The following RUBCN variants were observed in gnomAD, a reference collection of about 807,000 sequenced individuals.
RUBCN encodes the protein rubicon autophagy regulator.
Under a neutral mutation model 113.2 loss-of-function variants are expected in RUBCN, and 74 were observed. That is an observed-to-expected ratio of 0.65 (90% CI 0.54 to 0.79). The LOEUF (loss-of-function observed/expected upper bound fraction) is 0.79, where lower values mean the gene tolerates loss of function less well. RUBCN is among the 30% of genes least tolerant of loss of function. The pLI, the probability that RUBCN is intolerant of heterozygous loss-of-function variation, is 0.00. For synonymous variants in RUBCN, 480 were observed against 490.0 expected, an observed-to-expected ratio of 0.98 and a Z score of 0.27; for missense variants, 1,109 against 1,251.7, an observed-to-expected ratio of 0.89 and a Z score of 1.72.
Position 197,681,280 on chromosome 3 carries a change from C to T in RUBCN, c.2279G>A (p.Ser760Asn). 6.2e-7 allele frequency: 1 copy of T among 1,614,192 alleles called. No homozygotes were observed. The highest frequency in any genetic ancestry group is 8.5e-7 in the Non-Finnish European group (1 of 1,180,022). Residue 760 changes from serine (S) to asparagine (N), a missense_variant, in exon 16 of 20, where the codon AGC becomes AAC. Ser to Asn is a conservative substitution (Grantham distance 46). Transcript: ENST00000296343. The surrounding 1 kb of genome is among the most constrained non-coding windows in gnomAD (Gnocchi z 5.5). ...CHENAQMAIP[S>N]RVLRKWDFSK... ...GAAGTCCCACTTGCGCAGAACCCGG[C>T]TGGGGATGGCCATCTGGGCATTCTC...
At chr3:197,729,744 A>C (rs971012636) in intron 1 of RUBCN, among the ~76,000 whole-genome samples, 6 of 151,942 alleles carry the variant, frequency 3.9e-5, no homozygotes, top group African/African-American at 1.5e-4. Context: ...TTTTTAGTAG[A>C]GACAGCATTT....
At chr3:197,703,995 C>T (rs1026156350) in intron 4 of RUBCN, among the ~76,000 whole-genome samples, 1 of 152,136 alleles carries the variant, frequency 6.6e-6, no homozygotes, top group African/African-American at 2.4e-5. Flanking sequence ...ACAGGAAACT[C>T]GTGGTAAATG....
In RUBCN at chr3:197,697,595, G is replaced by A. The variant is rs551001683; in HGVS notation, c.1262-546C>T. ...CCCTGTAAGCAAAGGGCTCCGTTAC[G>A]GGGCTCGGCCCGGCCTTACTGAAGA... is the stretch of plus-strand genomic sequence containing the variant. On this transcript the variant is annotated intron_variant, in intron 7 of 19. Coordinates refer to ENST00000296343, the MANE Select transcript of RUBCN (RefSeq NM_014687.4). 6.6e-5 allele frequency among the ~76,000 whole-genome samples: 10 copies of A among 152,304 alleles called. No homozygotes were observed. The East Asian group carries it at 1.7e-3, about 27-fold the overall frequency.
intron 1 of RUBCN, among the ~76,000 whole-genome samples, chr3:197,733,154 G>A (rs910619513): frequency 2.0e-5 from 3 of 152,182 alleles, no homozygotes; most frequent in African/African-American, 2.4e-5. Flanking sequence ...AAAATACACT[G>A]AAAAGTTTCA....
At chr3:197,689,657 TTTTA>T (rs1196210206) in intron 11 of RUBCN, among the ~76,000 whole-genome samples, 3 of 152,236 alleles carry the variant, frequency 2.0e-5, no homozygotes, top group African/African-American at 7.2e-5. Context: ...ACCTAATTAC[TTTTA>T]TTTCTCTAAT....
chr3:197,701,975 C>G, intron 5 of RUBCN, 111 bp from the exon 6 acceptor site: 1 of 985,194 alleles, frequency 1.0e-6, no homozygotes. Context: ...TTGCAGTAGG[C>G]CTGGACTTTA....
At chr3:197,739,453 G>C (rs1328517604), upstream of RUBCN, among the ~76,000 whole-genome samples, 1 of 151,792 alleles carries the variant, frequency 6.6e-6, no homozygotes, top group Non-Finnish European at 1.5e-5. Context: ...CAGCACTTTG[G>C]GAGGTCAAGG....
At chr3:197,713,385 C>T (rs150122057) in intron 2 of RUBCN, among the ~76,000 whole-genome samples, 85 of 152,258 alleles carry the variant, frequency 5.6e-4, no homozygotes, top group African/African-American at 1.9e-3. Context: ...AAGTACCTGA[C>T]CCATTGAGTG....
At position 197,684,204 on chromosome 3, in the gene RUBCN, T is replaced by C; in HGVS notation, c.1800A>G (p.Arg600=). Residue 600 remains arginine, a synonymous_variant, in exon 12 of 20, where the codon AGA becomes AGG. Coordinates refer to ENST00000296343, the MANE Select transcript of RUBCN (RefSeq NM_014687.4). ...DEFEIQDADI[R]RNTASSSKSF... Reference sequence around the variant, plus strand: ...ATTTGCTGCTTGAGGCTGTGTTCCTTCTGATGTCAGCATCTACATGGAAAC... The same window carrying C: ...ATTTGCTGCTTGAGGCTGTGTTCCTCCTGATGTCAGCATCTACATGGAAAC... 6.2e-7 allele frequency: 1 copy of C among 1,613,740 alleles called. No homozygotes were observed. Among genetic ancestry groups the C allele is most frequent in the Non-Finnish European group, 8.5e-7 (1 of 1,179,670 alleles).
chr3:197,676,189 T>A lies in RUBCN; in HGVS notation c.2647-674A>T, dbSNP rs150724314. The A allele has an allele frequency of 2.0e-5, 20 of 990,680 alleles. No homozygotes were observed. In the East Asian group the frequency reaches 2.0e-3, roughly 100 times the overall value. The allele number at this position is 990,680 out of a possible 1,614,324, so 61.4% of individuals were successfully genotyped here. A position where few individuals can be genotyped will look rare whatever the true frequency, so the allele number is the denominator to read the frequency against. ...AGAAGAAAGTAAATTATTCTCTTCA[T>A]CTTAGAGCCAAGAAAATCGAGGCCT... On this transcript the variant is annotated intron_variant, in intron 18 of 19. Coordinates refer to ENST00000296343, the MANE Select transcript of RUBCN (RefSeq NM_014687.4).
In RUBCN at chr3:197,717,888, C is replaced by T. The variant is rs1725719528; in HGVS notation, c.219+89G>A. ...CAGCTGCTCTCAGGAGTCCACAGAC[C>T]AGTGGCCTTCATCTCCTCCCTGCCA... On this transcript the variant is annotated intron_variant, in intron 2 of 19. Coordinates refer to ENST00000296343, the MANE Select transcript of RUBCN (RefSeq NM_014687.4). 2.1e-6 allele frequency: 3 copies of T among 1,428,456 alleles called. No individual in the cohort carries two copies. In the African/African-American group the frequency reaches 4.2e-5, roughly 20 times the overall value. The allele number at this position is 1,428,456 out of a possible 1,614,324, so 88.5% of individuals were successfully genotyped here.
rs1341924913 is a variant in RUBCN, at chr3:197,672,060, A to AGG, written c.*2956_*2957dup. 6.6e-6 allele frequency: 1 copy of AGG among 152,252 alleles called. No individual in the cohort carries two copies. The highest frequency in any genetic ancestry group is 1.9e-4 in the East Asian group (1 of 5,208). 9.4% of individuals were successfully genotyped at this position (152,252 alleles called of 1,614,324 possible). ...TGCCAGGCTGCACAAGCACCACAGC[A>AGG]GGTGGAAACGCAGTTCAGAGCACGG... On this transcript the variant is annotated 3_prime_UTR_variant, in exon 20 of 20. Transcript: ENST00000296343.
At position 197,683,354 on chromosome 3, in the gene RUBCN, C is replaced by T. The variant is rs1721476845; in HGVS notation, c.1933G>A (p.Ala645Thr). ...GGGACAAGCCACTCCAGCTCCGAGGCGGCTGGAAGCTGCATCCCCTCAAAC... is the reference window on the plus strand; with the variant it reads ...GGGACAAGCCACTCCAGCTCCGAGGTGGCTGGAAGCTGCATCCCCTCAAAC... ...KQFEGMQLPAASELEWLVPEH... is the reference protein window; with the variant it reads ...KQFEGMQLPATSELEWLVPEH... Residue 645 changes from alanine (A) to threonine (T), a missense_variant, in exon 13 of 20, where the codon GCC becomes ACC. This residue lies in a region of RUBCN where 67 missense variants were observed against 123.2 expected (regional missense o/e 0.54). Coordinates refer to ENST00000296343, the MANE Select transcript of RUBCN (RefSeq NM_014687.4). This position sits in a 1 kb window ranked among gnomAD's most constrained non-coding sequence, Gnocchi z 4.6. 7 of 1,614,130 alleles carry T rather than the reference C, an allele frequency of 4.3e-6. No homozygotes were observed. Among genetic ancestry groups the T allele is most frequent in the Non-Finnish European group, 5.9e-6 (7 of 1,180,006 alleles).
intron 2 of RUBCN, among the ~76,000 whole-genome samples, chr3:197,707,864 T>C (rs745617093): frequency 6.6e-6 from 1 of 151,708 alleles, no homozygotes; most frequent in Non-Finnish European, 1.5e-5. Flanking sequence ...CTCGGGAGGC[T>C]GAGGCAGGAG....
intron 1 of RUBCN, among the ~76,000 whole-genome samples, chr3:197,721,488 CT>C (rs1432916423): frequency 6.6e-6 from 1 of 151,992 alleles, no homozygotes; most frequent in Non-Finnish European, 1.5e-5. Flanking sequence ...TTATTTGAGT[CT>C]TTTTTCCCCC....
chr3:197,729,587 C>G (rs1048226214), intron 1 of RUBCN, among the ~76,000 whole-genome samples: 1 of 151,544 alleles, frequency 6.6e-6, no homozygotes, highest in African/African-American at 2.4e-5. Context: ...TTGAGACAGT[C>G]TCGATCTGTT....
Position 197,700,607 on chromosome 3 carries a change from C to A in RUBCN, c.1261+6G>T. ...TTGCTAACTAGCAGCCGGTGTTCCT[C>A]ATTACCTGGAGCTCCCCTGGAGGCA... On this transcript the variant is annotated splice_donor_region_variant and intron_variant, in intron 7 of 19. Transcript: ENST00000296343. 1 of 1,614,170 alleles carries A rather than the reference C, an allele frequency of 6.2e-7. No individual in the cohort carries two copies. The highest frequency in any genetic ancestry group is 8.5e-7 in the Non-Finnish European group (1 of 1,180,016).
Position 197,701,027 on chromosome 3 carries a change from G to A in RUBCN, c.847C>T (p.Leu283=). 1.2e-6 allele frequency: 2 copies of A among 1,614,152 alleles called. No individual in the cohort carries two copies. The highest frequency in any genetic ancestry group is 2.2e-5 in the East Asian group (1 of 44,890). ...IQAPPVSVSA[L]ARDSPLTPNE... ...GGGGTCAAAGGGGAATCCCTGGCTA[G>A]TGCAGAGACTGAAACTGGGGGGGCT... is the stretch of plus-strand genomic sequence containing the variant. The change falls in exon 7 of 20, where the codon CTA becomes TTA. Residue 283 remains leucine (L), a synonymous_variant. Coordinates refer to ENST00000296343, the MANE Select transcript of RUBCN (RefSeq NM_014687.4).
In RUBCN at chr3:197,701,787, G is replaced by A; in HGVS notation, c.648C>T (p.Thr216=). ...AATGCTGAGCATAGCTGTTTGGAGG[G>A]GTGTATGTGGAACTGGGCAGGGCTG... ...SLTALPSSTY[T]PPNSYAQHSY... Residue 216 remains threonine, a synonymous_variant, in exon 6 of 20, where the codon ACC becomes ACT. Coordinates refer to ENST00000296343, the MANE Select transcript of RUBCN (RefSeq NM_014687.4). 1 of 1,613,918 alleles carries A rather than the reference G, an allele frequency of 6.2e-7. No individual in the cohort carries two copies. The highest frequency in any genetic ancestry group is 2.2e-5 in the East Asian group (1 of 44,898).
Sources: allele counts gnomAD v4.1 joint callset (sites outside exome capture counted in the v4.1 genomes callset), GRCh38; gene constraint gnomAD v4.1.1; regional missense constraint gnomAD v4.1.1; non-coding constraint Gnocchi (gnomAD v3.1); transcripts MANE v1.5; gene names NCBI Gene and HGNC (gene_info 2026-07-23, HGNC 2026-07-21).